Variants in RASSF4 observed in about 807,000 individuals in gnomAD.
The protein encoded by RASSF4 is ras association domain-containing protein 4.
In RASSF4, 38 loss-of-function variants were observed where a neutral mutation model predicts 41.1. The observed-to-expected ratio is 0.92, with a 90% CI of 0.71 to 1.21. The LOEUF (loss-of-function observed/expected upper bound fraction) is 1.21. Ranked by LOEUF, RASSF4 falls within the 50% of genes most tolerant of loss-of-function variation. The probability of loss-of-function intolerance (pLI) is 0.00; values close to 1 mark genes in which losing one functional copy is unlikely to be tolerated. For missense variants in RASSF4, 414 were observed against 419.4 expected, an observed-to-expected ratio of 0.99 and a Z score of 0.11; for synonymous variants, 179 against 163.4, an observed-to-expected ratio of 1.10 and a Z score of -0.73.
Position 44,993,458 on chromosome 10 carries a change from C to T in RASSF4, c.*129C>T. On this transcript the variant is annotated 3_prime_UTR_variant, in exon 11 of 11. Transcript: ENST00000340258. ...ACGAATCGAGTGCCTGTGTGTCTAC[C>T]TCTCTGAAGCCTGAGCACCATGATT... The T allele has an allele frequency of 8.6e-6, 6 of 693,862 alleles. No homozygotes were observed. The highest frequency in any genetic ancestry group is 8.6e-5 in the South Asian group (5 of 58,104). 43.0% of individuals were successfully genotyped at this position (693,862 alleles called of 1,614,324 possible). A position where few individuals can be genotyped will look rare whatever the true frequency, so the allele number is the denominator to read the frequency against.
chr10:44,968,978 G>C (rs1411663035), intron 1 of RASSF4, among the ~76,000 whole-genome samples: 1 of 151,810 alleles, frequency 6.6e-6, no homozygotes, highest in Non-Finnish European at 1.5e-5. Context: ...GTGTGTGTCT[G>C]TGAGATTGTG....
chr10:44,970,454 G>T (rs1310868511), intron 2 of RASSF4, 190 bp downstream of exon 2: 3 of 581,156 alleles, frequency 5.2e-6, no homozygotes, highest in Admixed American at 6.4e-5. Flanking sequence ...CATGACCATG[G>T]CTGGGAGGCA....
intron 3 of RASSF4, chr10:44,976,376 A>T (rs1292863145): frequency 2.6e-5 from 4 of 152,240 alleles, no homozygotes; most frequent in African/African-American, 9.6e-5. Flanking sequence ...AAATAGCCAC[A>T]AAAAAAGAGA....
intron 2 of RASSF4, 28 bp from the exon 3 acceptor site, chr10:44,971,745 G>A: frequency 6.3e-7 from 1 of 1,579,020 alleles, no homozygotes; most frequent in Non-Finnish European, 8.7e-7. Context: ...CACACCCTAG[G>A]AGTACATGTG....
At position 44,979,664 on chromosome 10, in the gene RASSF4, C is replaced by G. The variant is rs149376635; in HGVS notation, c.139-2857C>G. On this transcript the variant is annotated intron_variant, in intron 3 of 10. Coordinates refer to ENST00000340258, the MANE Select transcript of RASSF4 (RefSeq NM_032023.4). ...GTGGCAGGGGCAGCACGTGCAAAGC[C>G]CCTGTGGTGAGGGCGCGCCGGACAG... Among the ~76,000 whole-genome samples, 791 of 152,180 alleles carry G rather than the reference C, an allele frequency of 5.2e-3. 2 individuals are homozygous for G. Among genetic ancestry groups the G allele is most frequent in the South Asian group, 0.012 (58 of 4,810 alleles).
chr10:44,979,612 A>G (rs1247405587), intron 3 of RASSF4, among the ~76,000 whole-genome samples: 4 of 147,082 alleles, frequency 2.7e-5, no homozygotes, highest in Admixed American at 2.7e-4. Flanking sequence ...CAGAAACCTG[A>G]AAAAAATGGG....
chr10:44,967,317 A>G lies in RASSF4; in HGVS notation c.-38-2848A>G, dbSNP rs1315127175. 2.0e-5 allele frequency among the ~76,000 whole-genome samples: 3 copies of G among 152,268 alleles called. No homozygotes were observed. In the East Asian group the frequency reaches 5.8e-4, roughly 29 times the overall value. ...GCTGCTGGCCTGGAAGGGACCCACA[A>G]CACTTTTGTTCGCAGCTCAGTGGTC... On this transcript the variant is annotated intron_variant, in intron 1 of 10. Transcript: ENST00000340258.
chr10:44,971,569 C>A, intron 2 of RASSF4: 1 of 684,392 alleles, frequency 1.5e-6, no homozygotes, highest in Non-Finnish European at 2.7e-6. Flanking sequence ...CAGCCCGACC[C>A]CCATGCCCCC....
chr10:44,989,752 A>C (rs768301748), intron 8 of RASSF4, 31 bp downstream of exon 8: 42 of 1,600,096 alleles, frequency 2.6e-5, no homozygotes, highest in Middle Eastern at 1.7e-4. Flanking sequence ...TGGATCGTAA[A>C]AGCAAAAGGT....
chr10:44,982,707 C>A, intron 4 of RASSF4, 44 bp downstream of exon 4: 1 of 1,595,800 alleles, frequency 6.3e-7, no homozygotes, highest in Non-Finnish European at 8.5e-7. Context: ...AGCCTGAGCT[C>A]CCGGGTTGGG....
chr10:44,973,484 G>A (rs1196013245), intron 3 of RASSF4, among the ~76,000 whole-genome samples: 2 of 152,216 alleles, frequency 1.3e-5, no homozygotes, highest in Non-Finnish European at 2.9e-5. Flanking sequence ...TTCAGGGATT[G>A]ATCTAAATCC....
chr10:44,986,686 A>G (rs1021606212), intron 6 of RASSF4, among the ~76,000 whole-genome samples: 2 of 152,250 alleles, frequency 1.3e-5, no homozygotes, highest in Non-Finnish European at 2.9e-5. Flanking sequence ...CAACATCCAT[A>G]CAGAACTAAT....
At chr10:44,977,401 A>C (rs761588193) in intron 3 of RASSF4, 1 of 1,581,598 alleles carries the variant, frequency 6.3e-7, no homozygotes, top group Non-Finnish European at 8.6e-7. Context: ...GTCAGAGTTC[A>C]TGGATCACCG....
chr10:44,982,087 G>T, intron 3 of RASSF4: 1 of 240,852 alleles, frequency 4.2e-6, no homozygotes. Context: ...TCCTCTGGTG[G>T]GTGTGGGACC....
chr10:44,987,452 A>G (rs1366973524), intron 6 of RASSF4, among the ~76,000 whole-genome samples: 5 of 152,080 alleles, frequency 3.3e-5, no homozygotes, highest in African/African-American at 7.2e-5. Context: ...GGCTTTCTGT[A>G]TAACTCAGTC....
At chr10:44,961,365 A>G (rs983901592) in intron 1 of RASSF4, among the ~76,000 whole-genome samples, 1 of 152,240 alleles carries the variant, frequency 6.6e-6, no homozygotes, top group East Asian at 1.9e-4. Context: ...ATGACAGATA[A>G]CAAAGAACAT....
rs11389811 is a variant in RASSF4, at chr10:44,960,895, A to ATT, written c.-39+1037_-39+1038dup. On this transcript the variant is annotated intron_variant, in intron 1 of 10. Coordinates refer to ENST00000340258, the MANE Select transcript of RASSF4 (RefSeq NM_032023.4). ...CAATCAGGATTTGTTGCCAGAAACC[A>ATT]TTTTTTTTTAAGTTAGAAGTGAATT... is the stretch of plus-strand genomic sequence containing the variant. Among the ~76,000 whole-genome samples, 222 of 151,526 alleles carry ATT rather than the reference A, an allele frequency of 1.5e-3. No homozygotes were observed. The East Asian group carries it at 0.026, about 18-fold the overall frequency.
In RASSF4 at chr10:44,989,693, C is replaced by G; in HGVS notation, c.657C>G (p.Phe219Leu). The G allele has an allele frequency of 6.2e-7, 1 of 1,614,178 alleles. No homozygotes were observed. The highest frequency in any genetic ancestry group is 8.5e-7 in the Non-Finnish European group (1 of 1,180,012). The stretch of plus-strand genomic sequence containing the variant: ...AGGTGGAAGATGGCCCCAGTGAGTT[C>G]GCACTCTACATCGTTCACGAGTCTG... ...KFRVEDGPSEFALYIVHESGE... is the reference protein window; with the variant it reads ...KFRVEDGPSELALYIVHESGE... The change falls in exon 8 of 11, where the codon TTC (phenylalanine) becomes TTG (leucine). Residue 219 changes from phenylalanine to leucine, a missense_variant. Phe to Leu is a conservative substitution (Grantham distance 22). Transcript: ENST00000340258.
In RASSF4 at chr10:44,978,395, C is replaced by T. The variant is rs573271116; in HGVS notation, c.139-4126C>T. 1.6e-4 allele frequency among the ~76,000 whole-genome samples: 24 copies of T among 152,314 alleles called. No individual in the cohort carries two copies. In the East Asian group the frequency reaches 2.5e-3, roughly 16 times the overall value. The stretch of plus-strand genomic sequence containing the variant: ...GCAAGGCCACCTCTCCAGGCCTCCA[C>T]TTACCCATCCATAAAACAGGGTTAT... On this transcript the variant is annotated intron_variant, in intron 3 of 10. Coordinates refer to ENST00000340258, the MANE Select transcript of RASSF4 (RefSeq NM_032023.4).
Sources: allele counts gnomAD v4.1 joint callset (sites outside exome capture counted in the v4.1 genomes callset), GRCh38; gene constraint gnomAD v4.1.1; transcripts MANE v1.5; gene names NCBI Gene and HGNC (gene_info 2026-07-23, HGNC 2026-07-21).